Variants in ABCC8 observed in about 807,000 individuals in gnomAD.
ABCC8 encodes the protein ATP binding cassette subfamily C member 8, also known as ATP-binding cassette sub-family C member 8.
In ABCC8, 137 loss-of-function variants were observed where a neutral mutation model predicts 188.0. The observed-to-expected ratio is 0.73, with a 90% CI of 0.63 to 0.84. The LOEUF (loss-of-function observed/expected upper bound fraction) is 0.84, where lower values mean the gene tolerates loss of function less well. Among genes scored for constraint, ABCC8 ranks in the 40% least tolerant of loss-of-function variants. The probability of loss-of-function intolerance (pLI) is 0.00; values close to 1 mark genes in which losing one functional copy is unlikely to be tolerated. For missense variants in ABCC8, 1,750 were observed against 2,072.7 expected, an observed-to-expected ratio of 0.84 and a Z score of 3.02; for synonymous variants, 797 against 846.5, an observed-to-expected ratio of 0.94 and a Z score of 1.01.
chr11:17,460,470 A>C lies in ABCC8; in HGVS notation c.1011+18T>G, dbSNP rs1554941953. ...AACCATCTAGAGGGTGCCTTACCCTACCCCTGGGGCTGCCTACCTTGGGCT... is the reference window on the plus strand; with the variant it reads ...AACCATCTAGAGGGTGCCTTACCCTCCCCCTGGGGCTGCCTACCTTGGGCT... On this transcript the variant is annotated intron_variant, in intron 6 of 38. Coordinates refer to ENST00000389817, the MANE Select transcript of ABCC8 (RefSeq NM_000352.6). 1 of 1,613,904 alleles carries C rather than the reference A, an allele frequency of 6.2e-7. No homozygotes were observed. Among genetic ancestry groups the C allele is most frequent in the Non-Finnish European group, 8.5e-7 (1 of 1,180,034 alleles).
At position 17,428,372 on chromosome 11, in the gene ABCC8, G is replaced by T. The variant is rs372230762; in HGVS notation, c.1957C>A (p.Arg653=). ...CCGGTGAGGCCCCGACAATCCTCCC[G>T]GGCTGGACGCTTGCGGTTCACAACC... is the stretch of plus-strand genomic sequence containing the variant. ...LRVVNRKRPA[R]EDCRGLTGPL... is the part of the protein sequence containing the mutation. The change falls in exon 14 of 39, where the codon CGG becomes AGG. Residue 653 remains arginine (R), a synonymous_variant. Coordinates refer to ENST00000389817, the MANE Select transcript of ABCC8 (RefSeq NM_000352.6). 2.5e-6 allele frequency: 4 copies of T among 1,613,946 alleles called. No homozygotes were observed. The highest frequency in any genetic ancestry group is 2.7e-5 in the African/African-American group (2 of 74,906).
At chr11:17,438,829 G>A (rs1956204994) in intron 10 of ABCC8, among the ~76,000 whole-genome samples, 1 of 152,182 alleles carries the variant, frequency 6.6e-6, no homozygotes, top group African/African-American at 2.4e-5. Context: ...TTTTGCTGTG[G>A]AAGACCTCAC....
intron 5 of ABCC8, chr11:17,460,946 G>A: frequency 1.7e-6 from 1 of 572,860 alleles, no homozygotes; most frequent in Non-Finnish European, 3.0e-6. Context: ...GATGAGCACA[G>A]CACTGGAATG....
Position 17,460,485 on chromosome 11 carries a change from T to C in ABCC8, c.1011+3A>G. On this transcript the variant is annotated splice_donor_region_variant and intron_variant, in intron 6 of 38. Transcript: ENST00000389817. The stretch of plus-strand genomic sequence containing the variant: ...GCCTTACCCTACCCCTGGGGCTGCC[T>C]ACCTTGGGCTGGAAGACGTCGTTCT... The C allele has an allele frequency of 1.2e-6, 2 of 1,614,152 alleles. No homozygotes were observed. Among genetic ancestry groups the C allele is most frequent in the Non-Finnish European group, 1.7e-6 (2 of 1,180,038 alleles).
intron 10 of ABCC8, among the ~76,000 whole-genome samples, chr11:17,441,969 A>G (rs1956333324): frequency 1.3e-5 from 2 of 152,114 alleles, no homozygotes; most frequent in African/African-American, 4.8e-5. Context: ...AGTCCCAGCT[A>G]CATGGGAGGC....
At chr11:17,397,589 G>C in intron 31 of ABCC8, 95 bp downstream of exon 31, 1 of 1,495,948 alleles carries the variant, frequency 6.7e-7, no homozygotes, top group Non-Finnish European at 9.0e-7. Context: ...TGAAATTGGG[G>C]TAAGGCCTGG....
rs796687753 is a variant in ABCC8, at chr11:17,455,937, C to CAAA, written c.1012-2657_1012-2655dup. Among the ~76,000 whole-genome samples the CAAA allele has an allele frequency of 2.9e-4, 18 of 62,618 alleles. 1 individual carries two copies. Among genetic ancestry groups the CAAA allele is most frequent in the Non-Finnish European group, 4.6e-4 (12 of 26,318 alleles). 41.1% of individuals were successfully genotyped at this position (62,618 alleles called of 152,430 possible). A position where few individuals can be genotyped will look rare whatever the true frequency, so the allele number is the denominator to read the frequency against. ...CTGGGAGACAGAGTGAGGCTCCATC[C>CAAA]AAAAAAAAAAAAAAAAAAAAAAGAA... is the stretch of plus-strand genomic sequence containing the variant. On this transcript the variant is annotated intron_variant, in intron 6 of 38. Coordinates refer to ENST00000389817, the MANE Select transcript of ABCC8 (RefSeq NM_000352.6).
intron 6 of ABCC8, among the ~76,000 whole-genome samples, chr11:17,455,810 A>T (rs1460689003): frequency 6.6e-6 from 1 of 151,962 alleles, no homozygotes; most frequent in Non-Finnish European, 1.5e-5. Context: ...ATGGTGATGC[A>T]TGCCTGTAAT....
chr11:17,464,839 G>C (rs929637197), intron 3 of ABCC8, among the ~76,000 whole-genome samples: 10 of 152,224 alleles, frequency 6.6e-5, no homozygotes, highest in Non-Finnish European at 1.0e-4. Flanking sequence ...ACCAGATGCG[G>C]ATAAGGTCAG....
Position 17,476,811 on chromosome 11 carries a change from T to TCG in ABCC8, c.-36_-35insCG, listed in dbSNP as rs1565002068. The TCG allele has an allele frequency of 6.8e-7, 1 of 1,467,810 alleles. No individual in the cohort carries two copies. The highest frequency in any genetic ancestry group is 9.0e-7 in the Non-Finnish European group (1 of 1,112,408). 90.9% of individuals were successfully genotyped at this position (1,467,810 alleles called of 1,614,324 possible). ...GGCGCGGGCTGGGCTCGGGCTCAGCTGGCTCCGCTGGCTCCGCGCGCCTGC... is the reference window on the plus strand; with the variant it reads ...GGCGCGGGCTGGGCTCGGGCTCAGCTCGGGCTCCGCTGGCTCCGCGCGCCTGC... On this transcript the variant is annotated 5_prime_UTR_variant, in exon 1 of 39. Transcript: ENST00000389817.
intron 8 of ABCC8, among the ~76,000 whole-genome samples, chr11:17,445,825 AG>A (rs1267512192): frequency 7.0e-6 from 1 of 142,160 alleles, no homozygotes; most frequent in East Asian, 2.2e-4. Context: ...TATACAAGGG[AG>A]GGGGGCTGGG....
In ABCC8 at chr11:17,422,091, C is replaced by G. The variant is rs111238566; in HGVS notation, c.2222+4958G>C. On this transcript the variant is annotated intron_variant, in intron 16 of 38. Coordinates refer to ENST00000389817, the MANE Select transcript of ABCC8 (RefSeq NM_000352.6). ...TGCAAGCACGTCTTCTCCCTGCAGA[C>G]CTGGGGCTCAATGTCTGAGGTGTGG... Among the ~76,000 whole-genome samples, 1,368 of 152,308 alleles carry G rather than the reference C, an allele frequency of 9.0e-3. 23 individuals carry two copies. Among genetic ancestry groups the G allele is most frequent in the African/African-American group, 0.031 (1,299 of 41,560 alleles).
At chr11:17,469,519 T>C (rs1374737179) in intron 3 of ABCC8, among the ~76,000 whole-genome samples, 2 of 152,040 alleles carry the variant, frequency 1.3e-5, no homozygotes, top group Non-Finnish European at 2.9e-5. Context: ...TCAAACTCGA[T>C]ATGCCCCCAG....
In ABCC8 at chr11:17,410,446, T is replaced by C. The variant is rs1466643609; in HGVS notation, c.2694+70A>G. 4 of 1,548,794 alleles carry C rather than the reference T, an allele frequency of 2.6e-6. No homozygotes were observed. In the Admixed American group the frequency reaches 5.0e-5, roughly 19 times the overall value. On this transcript the variant is annotated intron_variant, in intron 22 of 38. Transcript: ENST00000389817. The stretch of plus-strand genomic sequence containing the variant: ...AGTTGCTACCAAGACAACGGATTGG[T>C]TCCTGCCAAGATGCCTGACAGCCTC...
At position 17,427,565 on chromosome 11, in the gene ABCC8, C is replaced by G. The variant is rs1474939983; in HGVS notation, c.2116+302G>C. Among the ~76,000 whole-genome samples the G allele has an allele frequency of 6.6e-6, 1 of 152,174 alleles. No homozygotes were observed. Among genetic ancestry groups the G allele is most frequent in the Non-Finnish European group, 1.5e-5 (1 of 68,028 alleles). ...GGGCCTTTGTCCATTCTCAGAAACCCCATCACTTCCACTTGCGTTCCTTGG... is the reference window on the plus strand; with the variant it reads ...GGGCCTTTGTCCATTCTCAGAAACCGCATCACTTCCACTTGCGTTCCTTGG... On this transcript the variant is annotated intron_variant, in intron 15 of 38. Transcript: ENST00000389817. The surrounding 1 kb of genome is among the most constrained non-coding windows in gnomAD (Gnocchi z 5.0).
chr11:17,461,611 C>T lies in ABCC8; in HGVS notation c.794G>A (p.Arg265Gln), dbSNP rs757018137. ...CTGGGCGTCAAAGGCCTCGCAGAGCCGTTGGTAGTTGGTGAGGGCCCTCAT... is the reference window on the plus strand; with the variant it reads ...CTGGGCGTCAAAGGCCTCGCAGAGCTGTTGGTAGTTGGTGAGGGCCCTCAT... ...IAMRALTNYQ[R>Q]LCEAFDAQVR... Residue 265 changes from arginine to glutamine, a missense_variant, in exon 5 of 39, where the codon CGG becomes CAG. By Grantham distance (43) the Arg-to-Gln change is conservative. Coordinates refer to ENST00000389817, the MANE Select transcript of ABCC8 (RefSeq NM_000352.6). 14 of 1,614,126 alleles carry T rather than the reference C, an allele frequency of 8.7e-6. No homozygotes were observed. Among genetic ancestry groups the T allele is most frequent in the Admixed American group, 3.3e-5 (2 of 60,006 alleles).
rs921183977 is a variant in ABCC8 at position 17,448,768 on chromosome 11, A to G, written c.1177-97T>C. ...TTACAGTGTGCCAGGGGCTTCTCAG[A>G]CAGTCCCCATGGTGCCCTAGAGCAG... On this transcript the variant is annotated intron_variant, in intron 7 of 38. Transcript: ENST00000389817. 3.7e-6 allele frequency: 6 copies of G among 1,603,586 alleles called. No individual in the cohort carries two copies. In the African/African-American group the frequency reaches 6.7e-5, roughly 18 times the overall value.
intron 16 of ABCC8, among the ~76,000 whole-genome samples, chr11:17,418,182 G>C (rs958119897): frequency 1.6e-4 from 24 of 152,166 alleles, no homozygotes; most frequent in Non-Finnish European, 5.9e-5. Flanking sequence ...AAGTCACACA[G>C]CTAGTAAGTA....
intron 33 of ABCC8, chr11:17,396,590 C>T (rs1017243228): frequency 3.4e-5 from 13 of 380,472 alleles, no homozygotes; most frequent in African/African-American, 1.5e-4. Flanking sequence ...CCCTGAAGCT[C>T]GGGGCAGTGC....
Sources: allele counts gnomAD v4.1 joint callset (sites outside exome capture counted in the v4.1 genomes callset), GRCh38; gene constraint gnomAD v4.1.1; non-coding constraint Gnocchi (gnomAD v3.1); transcripts MANE v1.5; gene names NCBI Gene and HGNC (gene_info 2026-07-23, HGNC 2026-07-21).